The following RBFOX1 variants were observed in gnomAD, a reference collection of about 807,000 sequenced individuals.
RBFOX1 encodes RNA binding fox-1 homolog 1.
A neutral mutation model predicts 57.7 loss-of-function variants in RBFOX1; 8 were observed. That is an observed-to-expected ratio of 0.14 (90% CI 0.08 to 0.25). RBFOX1 has a LOEUF of 0.25. Ranked by LOEUF, RBFOX1 falls within the 10% of genes least tolerant of loss-of-function variation. RBFOX1 has a pLI of 1.00. For missense variants in RBFOX1, 611 were observed against 548.5 expected (o/e 1.11, Z -1.14); for synonymous variants, 326 against 222.4 (o/e 1.47, Z -4.15).
chr16:6,032,891 T>TG lies in RBFOX1; in HGVS notation c.-127+12899_-127+12900insG, dbSNP rs531381532. On this transcript the variant is annotated intron_variant, in intron 1 of 15. Coordinates refer to ENST00000550418, the MANE Select transcript of RBFOX1 (RefSeq NM_018723.4). ...GCAAAACCTAGTGTAAGTTTTTTTT[T>TG]TTTTTTTCCCTCTCTCCCAGCCATT... Among the ~76,000 whole-genome samples the TG allele has an allele frequency of 3.6e-3, 531 of 149,092 alleles. 4 individuals are homozygous for TG. Among genetic ancestry groups the TG allele is most frequent in the African/African-American group, 0.013 (510 of 38,834 alleles).
intron 1 of RBFOX1, among the ~76,000 whole-genome samples, chr16:6,084,535 C>T (rs1387476223): frequency 3.9e-5 from 6 of 152,162 alleles, no homozygotes; most frequent in Non-Finnish European, 8.8e-5. Flanking sequence ...AAAACCACTG[C>T]ACCTGGCCCC....
intron 4 of RBFOX1, among the ~76,000 whole-genome samples, chr16:7,244,265 A>AAAAAAAAAAAAAAAAAAAAAAAG: frequency 6.6e-6 from 1 of 151,318 alleles, no homozygotes; most frequent in Non-Finnish European, 1.5e-5. Flanking sequence ...AAAAAAAAAA[A>AAAAAAAAAAAAAAAAAAAAAAAG]AAAAAACACC....
chr16:6,055,080 T>A (rs996013761), intron 1 of RBFOX1, among the ~76,000 whole-genome samples: 2 of 152,202 alleles, frequency 1.3e-5, no homozygotes, highest in African/African-American at 4.8e-5. Flanking sequence ...TGCAGGGGAC[T>A]TCATGTGAGG....
At chr16:6,005,067 T>C (rs931631550) in intron 4 of RBFOX1, among the ~76,000 whole-genome samples, 1 of 152,204 alleles carries the variant, frequency 6.6e-6, no homozygotes, top group African/African-American at 2.4e-5. Context: ...AGTGTAAATA[T>C]TTCCTCTGTC....
At chr16:7,519,692 G>A (rs893264762) in intron 5 of RBFOX1, 33 of 985,140 alleles carry the variant, frequency 3.3e-5, no homozygotes, top group African/African-American at 1.9e-4. Context: ...CAATCCTGTC[G>A]TCTGGAACAT....
At chr16:7,010,640 C>T (rs558567947) in intron 3 of RBFOX1, among the ~76,000 whole-genome samples, 28 of 152,080 alleles carry the variant, frequency 1.8e-4, no homozygotes, top group African/African-American at 6.5e-4. Flanking sequence ...ACCAATGGCT[C>T]TCTGGTACCG....
chr16:6,337,527 T>A (rs183372969), intron 2 of RBFOX1, among the ~76,000 whole-genome samples: 1 of 152,220 alleles, frequency 6.6e-6, no homozygotes, highest in Non-Finnish European at 1.5e-5. Context: ...GGGGAAATGA[T>A]TGATGTGGAA....
At chr16:6,528,638 G>A (rs964107337) in intron 2 of RBFOX1, among the ~76,000 whole-genome samples, 1 of 152,164 alleles carries the variant, frequency 6.6e-6, no homozygotes, top group Non-Finnish European at 1.5e-5. Context: ...AACCAGCTGT[G>A]GGCAGGGGCT....
chr16:6,839,240 C>T (rs901935695), intron 3 of RBFOX1, among the ~76,000 whole-genome samples: 4 of 152,114 alleles, frequency 2.6e-5, no homozygotes, highest in African/African-American at 7.2e-5. Context: ...CCGCCTCAGC[C>T]CCCCAAAGTG....
chr16:6,905,932 GC>G (rs1308846292), intron 3 of RBFOX1, among the ~76,000 whole-genome samples: 1 of 152,150 alleles, frequency 6.6e-6, no homozygotes, highest in Non-Finnish European at 1.5e-5. Flanking sequence ...ACTTCCTTCT[GC>G]CCTTGTGTTT....
intron 3 of RBFOX1, among the ~76,000 whole-genome samples, chr16:5,639,847 C>G (rs2048803461): frequency 6.6e-6 from 1 of 152,198 alleles, no homozygotes; most frequent in Non-Finnish European, 1.5e-5. Context: ...GTTTCTTCAT[C>G]TTGTGCCTTT....
intron 2 of RBFOX1, among the ~76,000 whole-genome samples, chr16:6,381,673 G>C (rs1216397800): frequency 6.6e-6 from 1 of 152,196 alleles, no homozygotes; most frequent in Non-Finnish European, 1.5e-5. Context: ...AGATGAGTTT[G>C]CTTCTGTCAT....
At chr16:5,679,638 A>G (rs2050268924) in intron 3 of RBFOX1, among the ~76,000 whole-genome samples, 1 of 152,158 alleles carries the variant, frequency 6.6e-6, no homozygotes, top group Non-Finnish European at 1.5e-5. Flanking sequence ...TTTGCTGAGA[A>G]TGATTGACCA....
At chr16:6,959,844 G>C in intron 3 of RBFOX1, among the ~76,000 whole-genome samples, 1 of 152,166 alleles carries the variant, frequency 6.6e-6, no homozygotes, top group East Asian at 1.9e-4. Context: ...GGCTGAGGCA[G>C]GAGAATCGCT....
rs544298866 is a variant in RBFOX1, at chr16:6,715,773, C to T, written c.-16+61123C>T. Reference sequence around the variant, plus strand: ...CAAGAAGTGAATTATGTGGAAGAATCCATTTTAAACCCTTTCAGCTACACA... The same window carrying T: ...CAAGAAGTGAATTATGTGGAAGAATTCATTTTAAACCCTTTCAGCTACACA... On this transcript the variant is annotated intron_variant, in intron 3 of 15. Transcript: ENST00000550418. 1.1e-3 allele frequency among the ~76,000 whole-genome samples: 168 copies of T among 152,250 alleles called. 1 individual carries two copies. Among genetic ancestry groups the T allele is most frequent in the African/African-American group, 3.9e-3 (161 of 41,540 alleles).
chr16:7,582,487 C>T (rs1367500399), intron 6 of RBFOX1, among the ~76,000 whole-genome samples: 1 of 152,176 alleles, frequency 6.6e-6, no homozygotes, highest in African/African-American at 2.4e-5. Context: ...CACTAAAAAT[C>T]TGTTCTTTCC....
intron 4 of RBFOX1, among the ~76,000 whole-genome samples, chr16:7,225,112 T>TATC (rs2093009206): frequency 1.3e-5 from 2 of 152,298 alleles, no homozygotes; most frequent in African/African-American, 2.4e-5. Flanking sequence ...AAAAAGGGCT[T>TATC]ATCATCATCA....
chr16:6,719,411 T>G (rs1007071816), intron 3 of RBFOX1, among the ~76,000 whole-genome samples: 1 of 151,886 alleles, frequency 6.6e-6, no homozygotes, highest in African/African-American at 2.4e-5. Context: ...TTTAAAAGTT[T>G]TAAAGCATAG....
intron 4 of RBFOX1, among the ~76,000 whole-genome samples, chr16:7,343,262 G>A (rs543953315): frequency 9.2e-5 from 14 of 152,318 alleles, no homozygotes; most frequent in African/African-American, 3.1e-4. Flanking sequence ...CCTTTCGGGG[G>A]GAAATTGTAG....
Sources: gnomAD v4.1 joint callset for allele counts (sites outside exome capture counted in the v4.1 genomes callset) on GRCh38, gnomAD v4.1.1 for gene constraint, MANE v1.5 for transcripts, NCBI Gene and HGNC (gene_info 2026-07-23, HGNC 2026-07-21) for gene names.